Variants in ZC3H11A observed in about 807,000 individuals in gnomAD.
ZC3H11A encodes zinc finger CCCH domain-containing protein 11A.
In ZC3H11A, 22 loss-of-function variants were observed where a neutral mutation model predicts 90.8. That is an observed-to-expected ratio of 0.24 (90% CI 0.17 to 0.35). The LOEUF (loss-of-function observed/expected upper bound fraction) is 0.35, where lower values mean the gene tolerates loss of function less well. Ranked by LOEUF, ZC3H11A falls within the 10% of genes least tolerant of loss-of-function variation. The pLI, the probability that ZC3H11A is intolerant of heterozygous loss-of-function variation, is 1.00. For synonymous variants in ZC3H11A, 294 were observed against 339.8 expected, an observed-to-expected ratio of 0.87 and a Z score of 1.48; for missense variants, 701 against 964.9, an observed-to-expected ratio of 0.73 and a Z score of 3.62.
chr1:203,805,538 G>GT (rs1227711933), intron 2 of ZC3H11A: 52 of 550,824 alleles, frequency 9.4e-5, no homozygotes, highest in Admixed American at 1.7e-4. Flanking sequence ...GGACAGAAAC[G>GT]TATCTGTTAC....
At chr1:203,803,224 T>C (rs2102452266) in intron 2 of ZC3H11A, among the ~76,000 whole-genome samples, 1 of 152,336 alleles carries the variant, frequency 6.6e-6, no homozygotes, top group South Asian at 2.1e-4. Context: ...GGAGTTTTAC[T>C]CTTGTCCCCT....
intron 13 of ZC3H11A, 118 bp downstream of exon 13, chr1:203,847,805 A>T (rs1688293809): frequency 7.0e-7 from 1 of 1,425,788 alleles, no homozygotes; most frequent in African/African-American, 1.4e-5. Flanking sequence ...AACGTTGAAA[A>T]CACTGAATTA....
chr1:203,846,495 G>A (rs1373826502), intron 12 of ZC3H11A, among the ~76,000 whole-genome samples: 2 of 152,000 alleles, frequency 1.3e-5, no homozygotes, highest in East Asian at 3.9e-4. Context: ...TTCCTGCTGT[G>A]TCCTTTTATA....
chr1:203,843,722 T>G (rs1687117825), intron 12 of ZC3H11A, among the ~76,000 whole-genome samples: 1 of 152,256 alleles, frequency 6.6e-6, no homozygotes, highest in Non-Finnish European at 1.5e-5. Flanking sequence ...CCTATGCCTT[T>G]TTAAATGGCT....
intron 1 of ZC3H11A, chr1:203,798,544 A>G (rs1190553903): frequency 5.2e-6 from 8 of 1,536,152 alleles, no homozygotes; most frequent in Non-Finnish European, 7.0e-6. Context: ...GAGAGAAGTG[A>G]TCTCTTGAGT....
At chr1:203,843,764 G>A (rs1417405610) in intron 12 of ZC3H11A, among the ~76,000 whole-genome samples, 1 of 152,082 alleles carries the variant, frequency 6.6e-6, no homozygotes, top group Admixed American at 6.6e-5. Flanking sequence ...TTATTATCCA[G>A]TCCTTCATAT....
chr1:203,837,962 A>G lies in ZC3H11A; in HGVS notation c.875-4A>G, dbSNP rs370205221. On this transcript the variant is annotated splice_polypyrimidine_tract_variant and splice_region_variant and intron_variant, in intron 10 of 17. Coordinates refer to ENST00000367210, the MANE Select transcript of ZC3H11A (RefSeq NM_001376342.1). ...ATCTTAAACTAAGTTCTCCCTCTTT[A>G]TAGGCGGTGACAGTGATCCTCCATT... is the stretch of plus-strand genomic sequence containing the variant. 1 of 1,607,086 alleles carries G rather than the reference A, an allele frequency of 6.2e-7. No homozygotes were observed. Among genetic ancestry groups the G allele is most frequent in the East Asian group, 2.2e-5 (1 of 44,874 alleles).
At chr1:203,829,064 G>A (rs748043260) in intron 5 of ZC3H11A, among the ~76,000 whole-genome samples, 27 of 152,188 alleles carry the variant, frequency 1.8e-4, no homozygotes, top group Non-Finnish European at 3.4e-4. Context: ...AGGGAAAAAA[G>A]TAGACTTATT....
chr1:203,803,360 T>A (rs781342645), intron 2 of ZC3H11A, among the ~76,000 whole-genome samples: 1 of 151,710 alleles, frequency 6.6e-6, no homozygotes, highest in African/African-American at 2.4e-5. Flanking sequence ...CCGGATAATT[T>A]TTGTATTATT....
rs1249303070 is a variant in ZC3H11A, at chr1:203,809,702, C to T, written c.-146+6686C>T. Among the ~76,000 whole-genome samples, 4 of 152,072 alleles carry T rather than the reference C, an allele frequency of 2.6e-5. No individual in the cohort carries two copies. In the East Asian group the frequency reaches 7.7e-4, roughly 29 times the overall value. On this transcript the variant is annotated intron_variant, in intron 2 of 17. Transcript: ENST00000367210. Reference sequence around the variant, plus strand: ...GGTGCGGTGGCTCACGGCTGTAATCCTAGCACTTTGTGAGGCTGAGATGGG... The same window carrying T: ...GGTGCGGTGGCTCACGGCTGTAATCTTAGCACTTTGTGAGGCTGAGATGGG...
rs145911590 is a variant in ZC3H11A, at chr1:203,799,197, A to G, written c.-1587-2378A>G. Reference sequence around the variant, plus strand: ...GCTTTCTCCAAATTTCCTTATCCCTAGCTTCATTGTTTCTGACAATTCCTC... The same window carrying G: ...GCTTTCTCCAAATTTCCTTATCCCTGGCTTCATTGTTTCTGACAATTCCTC... On this transcript the variant is annotated intron_variant, in intron 1 of 17. Coordinates refer to ENST00000367210, the MANE Select transcript of ZC3H11A (RefSeq NM_001376342.1). 1.9e-5 allele frequency: 22 copies of G among 1,149,198 alleles called. No homozygotes were observed. In the Middle Eastern group the frequency reaches 1.1e-3, roughly 60 times the overall value. The allele number at this position is 1,149,198 out of a possible 1,614,324, so 71.2% of individuals were successfully genotyped here. A position where few individuals can be genotyped will look rare whatever the true frequency, so the allele number is the denominator to read the frequency against.
At chr1:203,804,845 G>C (rs564269367) in intron 2 of ZC3H11A, among the ~76,000 whole-genome samples, 12 of 151,312 alleles carry the variant, frequency 7.9e-5, no homozygotes, top group Admixed American at 2.0e-4. Flanking sequence ...GCTGATTTTT[G>C]TATTTTTAGT....
intron 2 of ZC3H11A, among the ~76,000 whole-genome samples, chr1:203,806,452 C>G (rs553554682): frequency 6.3e-4 from 96 of 152,236 alleles, no homozygotes; most frequent in African/African-American, 2.3e-3. Flanking sequence ...TAGGCATCTG[C>G]CATCATGCCC....
In ZC3H11A at chr1:203,838,888, G is replaced by A. The variant is rs552512934; in HGVS notation, c.973+824G>A. Among the ~76,000 whole-genome samples the A allele has an allele frequency of 1.5e-4, 22 of 147,990 alleles. No individual in the cohort carries two copies. In the South Asian group the frequency reaches 4.6e-3, roughly 31 times the overall value. ...GAATTGTGTGAACCTGGAAGGCGGA[G>A]GTTACAGTGAGCCAAGATCAGTCAC... On this transcript the variant is annotated intron_variant, in intron 11 of 17. Transcript: ENST00000367210.
At chr1:203,805,514 T>C in intron 2 of ZC3H11A, 1 of 479,212 alleles carries the variant, frequency 2.1e-6, no homozygotes, top group Middle Eastern at 6.6e-4. Flanking sequence ...TAATTAAACT[T>C]TCCTTCAAAG....
intron 2 of ZC3H11A, among the ~76,000 whole-genome samples, chr1:203,807,522 G>A (rs1344857009): frequency 6.9e-6 from 1 of 144,914 alleles, no homozygotes; most frequent in Non-Finnish European, 1.5e-5. Flanking sequence ...TTGTCTTACT[G>A]TTTTTTTTTT....
At position 203,829,821 on chromosome 1, in the gene ZC3H11A, C is replaced by T. The variant is rs148052821; in HGVS notation, c.544C>T (p.Leu182=). 3.7e-6 allele frequency: 6 copies of T among 1,613,972 alleles called. No homozygotes were observed. The highest frequency in any genetic ancestry group is 5.1e-6 in the Non-Finnish European group (6 of 1,179,988). The part of the protein sequence containing the change: ...EEGDETKTPT[L]QPTPEVHNGL... ...AGGTGATGAAACCAAAACACCTACC[C>T]TGCAACCAACTCCTGAAGTTCACAA... is the stretch of plus-strand genomic sequence containing the variant. The change falls in exon 7 of 18, where the codon CTG becomes TTG. Residue 182 remains leucine (L), a synonymous_variant. Coordinates refer to ENST00000367210, the MANE Select transcript of ZC3H11A (RefSeq NM_001376342.1).
chr1:203,810,708 C>T (rs541677181), intron 2 of ZC3H11A, among the ~76,000 whole-genome samples: 219 of 152,150 alleles, frequency 1.4e-3, no homozygotes, highest in African/African-American at 5.0e-3. Context: ...CGTGAGCCAC[C>T]GCGCCCGGCC....
intron 2 of ZC3H11A, among the ~76,000 whole-genome samples, chr1:203,816,328 G>A (rs1243523240): frequency 6.6e-6 from 1 of 152,202 alleles, no homozygotes; most frequent in East Asian, 1.9e-4. Context: ...ATACATATAT[G>A]TATAATGTAG....
Sources: allele counts gnomAD v4.1 joint callset (sites outside exome capture counted in the v4.1 genomes callset), GRCh38; gene constraint gnomAD v4.1.1; transcripts MANE v1.5; gene names NCBI Gene and HGNC (gene_info 2026-07-23, HGNC 2026-07-21).